The following INO80D variants were observed in gnomAD, a reference collection of about 807,000 sequenced individuals.
INO80D encodes the protein INO80 complex subunit D.
A neutral mutation model predicts 87.6 loss-of-function variants in INO80D; 21 were observed. That is an observed-to-expected ratio of 0.24 (90% confidence interval 0.17 to 0.35). INO80D has a LOEUF of 0.35. Ranked by LOEUF, INO80D falls within the 10% of genes least tolerant of loss-of-function variation. The pLI is 1.00. For missense variants in INO80D, 982 were observed against 1,280.7 expected, an observed-to-expected ratio of 0.77 and a Z score of 3.56; for synonymous variants, 440 against 491.0, an observed-to-expected ratio of 0.90 and a Z score of 1.37.
At position 205,995,100 on chromosome 2, in the gene INO80D, G is replaced by T. The variant is rs1340242071; in HGVS notation, c.*9268C>A. 6.6e-6 allele frequency: 1 copy of T among 152,184 alleles called. No homozygotes were observed. The highest frequency in any genetic ancestry group is 2.4e-5 in the African/African-American group (1 of 41,442). 9.4% of individuals were successfully genotyped at this position (152,184 alleles called of 1,614,324 possible). ...AATCATTATTTATTAATGAAAGGAG[G>T]AGGCAAATTGGTGAATTAAGTTGAT... On this transcript the variant is annotated 3_prime_UTR_variant, in exon 11 of 11. Transcript: ENST00000403263.
At chr2:206,081,880 A>T (rs149365598) in intron 1 of INO80D, among the ~76,000 whole-genome samples, 1 of 152,320 alleles carries the variant, frequency 6.6e-6, no homozygotes, top group African/African-American at 2.4e-5. Flanking sequence ...CTTATATCAA[A>T]GAATTTTATT....
At chr2:206,009,525 G>C in intron 9 of INO80D, 52 bp downstream of exon 9, 1 of 1,460,328 alleles carries the variant, frequency 6.8e-7, no homozygotes, top group Non-Finnish European at 9.3e-7. Context: ...TAGATGTTCT[G>C]AGAAGAATCC....
At chr2:206,024,443 A>T (rs947661268) in intron 6 of INO80D, among the ~76,000 whole-genome samples, 12 of 151,968 alleles carry the variant, frequency 7.9e-5, no homozygotes, top group Non-Finnish European at 1.8e-4. Flanking sequence ...TCTAGAACAG[A>T]TACTAGATCC....
At chr2:206,014,742 C>A (rs143775011) in intron 8 of INO80D, among the ~76,000 whole-genome samples, 263 of 152,026 alleles carry the variant, frequency 1.7e-3, no homozygotes, top group African/African-American at 6.0e-3. Flanking sequence ...TGAAAAGATA[C>A]CCAAAAATGT....
rs753969164 is a variant in INO80D at position 206,007,280 on chromosome 2, A to G, written c.1918+4T>C. On this transcript the variant is annotated splice_donor_region_variant and intron_variant, in intron 10 of 10. Coordinates refer to ENST00000403263, the MANE Select transcript of INO80D (RefSeq NM_017759.5). ...GTTTCCTTGAGTCAAAATATTGACT[A>G]TACCTTCAAAAAAATCAAAATCTTG... is the stretch of plus-strand genomic sequence containing the variant. 12 of 1,612,352 alleles carry G rather than the reference A, an allele frequency of 7.4e-6. No homozygotes were observed. The South Asian group carries it at 1.2e-4, about 16-fold the overall frequency.
chr2:206,032,627 G>A (rs1187999455), intron 5 of INO80D, among the ~76,000 whole-genome samples: 1 of 152,184 alleles, frequency 6.6e-6, no homozygotes, highest in African/African-American at 2.4e-5. Flanking sequence ...TTTCTCAAGA[G>A]AAACCCTACA....
intron 6 of INO80D, among the ~76,000 whole-genome samples, chr2:206,022,432 A>G (rs909434873): frequency 2.0e-5 from 3 of 152,132 alleles, no homozygotes; most frequent in Non-Finnish European, 4.4e-5. Flanking sequence ...ATATTTTATT[A>G]TCCAAATAAG....
intron 5 of INO80D, among the ~76,000 whole-genome samples, chr2:206,029,097 C>T (rs1239615090): frequency 6.6e-6 from 1 of 152,004 alleles, no homozygotes; most frequent in African/African-American, 2.4e-5. Flanking sequence ...ACCATGTTAG[C>T]TAGGATGGTC....
chr2:206,023,465 C>T (rs1036574122), intron 6 of INO80D, among the ~76,000 whole-genome samples: 1 of 151,736 alleles, frequency 6.6e-6, no homozygotes, highest in Non-Finnish European at 1.5e-5. Context: ...AGGCAGATCA[C>T]GAGGTCAGGA....
intron 1 of INO80D, among the ~76,000 whole-genome samples, chr2:206,071,079 C>G (rs1689952700): frequency 6.6e-6 from 1 of 151,740 alleles, no homozygotes; most frequent in Non-Finnish European, 1.5e-5. Flanking sequence ...CTGTCTCAGC[C>G]TCCTGAGTAG....
chr2:206,001,900 C>A lies in INO80D; in HGVS notation c.*2468G>T, dbSNP rs1277137544. ...CAACATTCCTGATAATTTCATGCCT[C>A]CTTACTAGAAAGCAGAGAAGGGCTT... On this transcript the variant is annotated 3_prime_UTR_variant, in exon 11 of 11. Coordinates refer to ENST00000403263, the MANE Select transcript of INO80D (RefSeq NM_017759.5). 1 of 152,208 alleles carries A rather than the reference C, an allele frequency of 6.6e-6. No individual in the cohort carries two copies. Among genetic ancestry groups the A allele is most frequent in the Non-Finnish European group, 1.5e-5 (1 of 68,052 alleles). 9.4% of individuals were successfully genotyped at this position (152,208 alleles called of 1,614,324 possible).
intron 1 of INO80D, among the ~76,000 whole-genome samples, chr2:206,077,002 G>A (rs1024311229): frequency 2.6e-5 from 4 of 152,114 alleles, no homozygotes; most frequent in African/African-American, 7.2e-5. Flanking sequence ...AGCCGGGCGC[G>A]GTGGCTCACG....
intron 8 of INO80D, among the ~76,000 whole-genome samples, chr2:206,012,884 A>C (rs1394520061): frequency 2.6e-5 from 4 of 151,238 alleles, no homozygotes; most frequent in African/African-American, 9.7e-5. Context: ...AAAAAAAAAA[A>C]AAACCAGAGC....
At chr2:206,031,499 C>A (rs547840007) in intron 5 of INO80D, among the ~76,000 whole-genome samples, 2 of 152,286 alleles carry the variant, frequency 1.3e-5, no homozygotes, top group South Asian at 4.1e-4. Context: ...GATGCACCTG[C>A]GCCCCTGCCA....
rs752263972 is a variant in INO80D at position 206,009,676 on chromosome 2, C to A, written c.1661G>T (p.Gly554Val). Residue 554 changes from glycine (G) to valine (V), a missense_variant, in exon 9 of 11, where the codon GGA becomes GTA. Coordinates refer to ENST00000403263, the MANE Select transcript of INO80D (RefSeq NM_017759.5). ...AATGGGTTTTTGGGGTCGACGAGGT[C>A]CACGCCTTCTCTTCTTCTTGTGTTT... ...TKKHKKKRRR[G>V]PRRPQKPIPP... 1.2e-6 allele frequency: 2 copies of A among 1,613,952 alleles called. No individual in the cohort carries two copies. The highest frequency in any genetic ancestry group is 1.1e-5 in the South Asian group (1 of 91,082).
intron 9 of INO80D, 134 bp downstream of exon 9, chr2:206,009,443 T>C: frequency 1.4e-6 from 1 of 708,332 alleles, no homozygotes. Flanking sequence ...CAAAAACTAT[T>C]TAAAAAATCT....
At chr2:206,017,237 G>A (rs1232917845) in intron 8 of INO80D, among the ~76,000 whole-genome samples, 1 of 152,200 alleles carries the variant, frequency 6.6e-6, no homozygotes, top group Non-Finnish European at 1.5e-5. Flanking sequence ...CTGCTTGATG[G>A]ATGAAAACAA....
chr2:206,004,224 G>T lies in INO80D; in HGVS notation c.*144C>A. On this transcript the variant is annotated 3_prime_UTR_variant, in exon 11 of 11. Transcript: ENST00000403263. The surrounding 1 kb of genome is among the most constrained non-coding windows in gnomAD (Gnocchi z 4.9). The stretch of plus-strand genomic sequence containing the variant: ...ACACTGTAGCGAGGTCCACTGCAGG[G>T]CCACTCATTGAACTGGGAAGGGGGG... 2.7e-6 allele frequency: 2 copies of T among 732,968 alleles called. No individual in the cohort carries two copies. Among genetic ancestry groups the T allele is most frequent in the Non-Finnish European group, 4.5e-6 (2 of 447,208 alleles). 45.4% of individuals were successfully genotyped at this position (732,968 alleles called of 1,614,324 possible).
chr2:205,997,907 ATC>A lies in INO80D; in HGVS notation c.*6459_*6460del, dbSNP rs1415268146. On this transcript the variant is annotated 3_prime_UTR_variant, in exon 11 of 11. Coordinates refer to ENST00000403263, the MANE Select transcript of INO80D (RefSeq NM_017759.5). Reference sequence around the variant, plus strand: ...TATTTTTATATAAGCACACATTCATATCTCTCACACACGTGCCCCCAATGTAT... The same window carrying A: ...TATTTTTATATAAGCACACATTCATATCTCACACACGTGCCCCCAATGTAT... 2 of 152,204 alleles carry A rather than the reference ATC, an allele frequency of 1.3e-5. No individual in the cohort carries two copies. The highest frequency in any genetic ancestry group is 3.8e-4 in the East Asian group (2 of 5,206). The allele number at this position is 152,204 out of a possible 1,614,324, so 9.4% of individuals were successfully genotyped here. A position where few individuals can be genotyped will look rare whatever the true frequency, so the allele number is the denominator to read the frequency against.
Sources: allele counts gnomAD v4.1 joint callset (sites outside exome capture counted in the v4.1 genomes callset), GRCh38; gene constraint gnomAD v4.1.1; non-coding constraint Gnocchi (gnomAD v3.1); transcripts MANE v1.5; gene names NCBI Gene and HGNC (gene_info 2026-07-23, HGNC 2026-07-21).